The following CORIN variants were observed in gnomAD, a reference collection of about 807,000 sequenced individuals.
CORIN encodes atrial natriuretic peptide-converting enzyme.
A neutral mutation model predicts 125.3 loss-of-function variants in CORIN; 117 were observed. The observed-to-expected ratio is 0.93, with a 90% CI of 0.80 to 1.09. CORIN has a LOEUF of 1.09. Among genes scored for constraint, CORIN ranks in the 50% least tolerant of loss-of-function variants. The pLI is 0.00. For missense variants in CORIN, 1,253 were observed against 1,306.7 expected (o/e 0.96, Z 0.63); for synonymous variants, 450 against 466.4 (o/e 0.96, Z 0.45).
chr4:47,752,659 G>A (rs1401931288), intron 4 of CORIN, among the ~76,000 whole-genome samples: 5 of 152,216 alleles, frequency 3.3e-5, no homozygotes, highest in Non-Finnish European at 7.3e-5. Context: ...GCCAATAGCA[G>A]TGTGTCCCTC....
chr4:47,754,922 G>A (rs558878734), intron 4 of CORIN, among the ~76,000 whole-genome samples: 80 of 152,284 alleles, frequency 5.3e-4, no homozygotes, highest in African/African-American at 1.8e-3. Flanking sequence ...TCTCTGATTA[G>A]TATTCCAAAG....
chr4:47,707,657 T>A (rs534488844), intron 5 of CORIN, among the ~76,000 whole-genome samples: 123 of 152,366 alleles, frequency 8.1e-4, no homozygotes, highest in Non-Finnish European at 1.5e-3. Flanking sequence ...CTTAATATAT[T>A]CATCTTCTTT....
At chr4:47,808,662 G>A (rs1731914711) in intron 1 of CORIN, among the ~76,000 whole-genome samples, 1 of 152,156 alleles carries the variant, frequency 6.6e-6, no homozygotes, top group Admixed American at 6.5e-5. Flanking sequence ...ACCAGCCAAT[G>A]TGTTATAATT....
At chr4:47,748,889 T>G (rs915881363) in intron 4 of CORIN, among the ~76,000 whole-genome samples, 2 of 152,154 alleles carry the variant, frequency 1.3e-5, no homozygotes, top group African/African-American at 2.4e-5. Context: ...ATATCCTTCA[T>G]CCAGACTCCA....
chr4:47,684,203 G>C (rs939181193), intron 6 of CORIN, among the ~76,000 whole-genome samples: 2 of 152,186 alleles, frequency 1.3e-5, no homozygotes, highest in African/African-American at 4.8e-5. Flanking sequence ...TTTCTTTAGA[G>C]TTGAAGTCTA....
chr4:47,703,089 T>C (rs1401757401), intron 5 of CORIN, among the ~76,000 whole-genome samples: 1 of 152,152 alleles, frequency 6.6e-6, no homozygotes, highest in East Asian at 1.9e-4. Flanking sequence ...TTCAGGATAT[T>C]GGTACTGTAG....
At chr4:47,624,893 C>T (rs1356144250) in intron 17 of CORIN, among the ~76,000 whole-genome samples, 1 of 146,748 alleles carries the variant, frequency 6.8e-6, no homozygotes, top group East Asian at 2.0e-4. Context: ...AAAAAAAATG[C>T]AACCCTAAAT....
intron 3 of CORIN, among the ~76,000 whole-genome samples, chr4:47,772,079 A>AGATAGAT (rs1469905103): frequency 2.8e-5 from 4 of 142,186 alleles, no homozygotes; most frequent in African/African-American, 1.1e-4. Flanking sequence ...CACATTACAT[A>AGATAGAT]GATAGATAGA....
intron 19 of CORIN, among the ~76,000 whole-genome samples, chr4:47,607,614 A>C (rs929755222): frequency 6.6e-5 from 10 of 152,176 alleles, no homozygotes; most frequent in Non-Finnish European, 1.2e-4. Flanking sequence ...TGTTGTTTGA[A>C]AGAGTCTCCT....
At chr4:47,751,839 G>A (rs1728917341) in intron 4 of CORIN, among the ~76,000 whole-genome samples, 1 of 152,218 alleles carries the variant, frequency 6.6e-6, no homozygotes, top group Non-Finnish European at 1.5e-5. Flanking sequence ...GCACCAATAA[G>A]TGTTTGCTAA....
intron 2 of CORIN, among the ~76,000 whole-genome samples, chr4:47,787,626 AT>A (rs1485521502): frequency 6.6e-6 from 1 of 152,240 alleles, no homozygotes; most frequent in Admixed American, 6.5e-5. Flanking sequence ...CATTTAAAAA[AT>A]TTATTTCCAT....
rs376311372 is a variant in CORIN, at chr4:47,736,569, T to C, written c.799+7833A>G. 2.1e-4 allele frequency among the ~76,000 whole-genome samples: 32 copies of C among 152,346 alleles called. 1 individual carries two copies. In the South Asian group the frequency reaches 6.6e-3, roughly 32 times the overall value. On this transcript the variant is annotated intron_variant, in intron 5 of 21. Coordinates refer to ENST00000273857, the MANE Select transcript of CORIN (RefSeq NM_006587.4). ...AAACTTGTGTCATGGGGGTTTGTTGTACAGATCACTCACTTATTAAGCCTA... is the reference window on the plus strand; with the variant it reads ...AAACTTGTGTCATGGGGGTTTGTTGCACAGATCACTCACTTATTAAGCCTA...
chr4:47,756,150 G>A (rs1560534488), intron 4 of CORIN, among the ~76,000 whole-genome samples: 1 of 152,198 alleles, frequency 6.6e-6, no homozygotes, highest in Non-Finnish European at 1.5e-5. Context: ...CTGCAGAGAT[G>A]TCTTCTGAGA....
At chr4:47,745,870 C>T (rs758699853) in intron 4 of CORIN, among the ~76,000 whole-genome samples, 1 of 152,196 alleles carries the variant, frequency 6.6e-6, no homozygotes, top group Non-Finnish European at 1.5e-5. Flanking sequence ...TCAACAATTA[C>T]ATTCAGATAA....
At chr4:47,755,659 T>C (rs571960339) in intron 4 of CORIN, among the ~76,000 whole-genome samples, 1 of 152,262 alleles carries the variant, frequency 6.6e-6, no homozygotes, top group East Asian at 1.9e-4. Context: ...TAGTATCTGT[T>C]AGCTGGTTAT....
intron 1 of CORIN, among the ~76,000 whole-genome samples, chr4:47,834,747 AAT>A (rs1249725199): frequency 6.6e-6 from 1 of 152,164 alleles, no homozygotes; most frequent in African/African-American, 2.4e-5. Context: ...GTTTACATTA[AAT>A]ATATACAGGT....
At chr4:47,720,044 T>G (rs1727277548) in intron 5 of CORIN, among the ~76,000 whole-genome samples, 1 of 152,174 alleles carries the variant, frequency 6.6e-6, no homozygotes, top group South Asian at 2.1e-4. Context: ...GTGGCCTGCC[T>G]TTTACTTTGT....
chr4:47,665,011 G>A, intron 11 of CORIN, 21 bp downstream of exon 11: 3 of 1,529,122 alleles, frequency 2.0e-6, no homozygotes, highest in Admixed American at 1.7e-5. Context: ...TAAGGGACTG[G>A]GGTAGATCCC....
intron 16 of CORIN, among the ~76,000 whole-genome samples, chr4:47,635,108 C>T (rs757118493): frequency 1.3e-5 from 2 of 152,106 alleles, no homozygotes; most frequent in Non-Finnish European, 2.9e-5. Flanking sequence ...AGTGTTCAAG[C>T]TGATATAAAG....
Sources: allele counts gnomAD v4.1 joint callset (sites outside exome capture counted in the v4.1 genomes callset), GRCh38; gene constraint gnomAD v4.1.1; transcripts MANE v1.5; gene names NCBI Gene and HGNC (gene_info 2026-07-23, HGNC 2026-07-21).